The following PCDHA11 variants were observed in gnomAD, a reference collection of about 807,000 sequenced individuals.
PCDHA11 encodes the protein protocadherin alpha-11.
In PCDHA11, 61 loss-of-function variants were observed where a neutral mutation model predicts 70.3. The observed-to-expected ratio is 0.87, with a 90% CI of 0.71 to 1.07. The LOEUF is 1.07. PCDHA11 is among the 50% of genes least tolerant of loss of function. PCDHA11 has a pLI of 0.00. For synonymous variants in PCDHA11, 633 were observed against 555.1 expected (o/e 1.14, Z -1.97); for missense variants, 1,324 against 1,237.5 (o/e 1.07, Z -1.05).
chr5:140,869,346 T>C lies in PCDHA11; in HGVS notation c.243T>C (p.Asn81=), dbSNP rs781810947. Reference sequence around the variant, plus strand: ...ACCTTCTGGAGGTAAATCTGCAGAATGGCATTTTGTTTGTGAATTCTCGGA... The same window carrying C: ...ACCTTCTGGAGGTAAATCTGCAGAACGGCATTTTGTTTGTGAATTCTCGGA... ...HGDLLEVNLQ[N]GILFVNSRID... The change falls in exon 1 of 4, where the codon AAT becomes AAC. Residue 81 remains asparagine (N), a synonymous_variant. Transcript: ENST00000398640. 2.5e-6 allele frequency: 4 copies of C among 1,614,054 alleles called. No homozygotes were observed. The highest frequency in any genetic ancestry group is 2.5e-6 in the Non-Finnish European group (3 of 1,180,032).
At chr5:141,006,299 C>T (rs2098266808) in intron 3 of PCDHA11, among the ~76,000 whole-genome samples, 1 of 152,064 alleles carries the variant, frequency 6.6e-6, no homozygotes, top group Non-Finnish European at 1.5e-5. Flanking sequence ...GCAAGCTCCA[C>T]TTCCCGGGTT....
chr5:140,899,123 A>T (rs1190536862), intron 1 of PCDHA11, among the ~76,000 whole-genome samples: 6 of 152,240 alleles, frequency 3.9e-5, no homozygotes, highest in Non-Finnish European at 7.3e-5. Flanking sequence ...ATATACAATC[A>T]TGTCTTCTGC....
At chr5:140,896,140 C>A (rs1415728420) in intron 1 of PCDHA11, among the ~76,000 whole-genome samples, 6 of 152,140 alleles carry the variant, frequency 3.9e-5, no homozygotes, top group Non-Finnish European at 7.4e-5. Flanking sequence ...ATCCAGTGCA[C>A]CATTGATGGG....
At chr5:140,884,732 A>G in intron 1 of PCDHA11, 2 of 1,448,046 alleles carry the variant, frequency 1.4e-6, no homozygotes, top group South Asian at 1.6e-5. Flanking sequence ...TGTTTAAGAC[A>G]TCTTTCCTGC....
Position 140,871,485 on chromosome 5 carries a change from C to T in PCDHA11, c.2382C>T (p.His794=), listed in dbSNP as rs1554165663. Residue 794 remains histidine (H), a synonymous_variant, in exon 1 of 4, where the codon CAC becomes CAT. Transcript: ENST00000398640. The part of the protein sequence containing the change: ...EGERQEPGSN[H]PGQPRQPNPD... The stretch of plus-strand genomic sequence containing the variant: ...AAAGACAGGAGCCAGGGTCAAATCA[C>T]CCCGGACAGGTGAGTTTTCTACAGA... The T allele has an allele frequency of 8.2e-6, 13 of 1,593,104 alleles. No individual in the cohort carries two copies. The highest frequency in any genetic ancestry group is 1.8e-5 in the Admixed American group (1 of 56,436).
intron 1 of PCDHA11, among the ~76,000 whole-genome samples, chr5:140,911,285 G>C (rs1292114305): frequency 6.6e-6 from 1 of 152,078 alleles, no homozygotes; most frequent in Non-Finnish European, 1.5e-5. Flanking sequence ...GCTTCATCAG[G>C]GTCCTTTTAC....
intron 3 of PCDHA11, among the ~76,000 whole-genome samples, chr5:140,987,107 G>C (rs936936352): frequency 2.0e-5 from 3 of 151,876 alleles, no homozygotes; most frequent in Admixed American, 6.6e-5. Context: ...CCAGCTACTC[G>C]GGAGGCTGAG....
At chr5:140,944,792 G>C (rs1411963111) in intron 1 of PCDHA11, among the ~76,000 whole-genome samples, 3 of 152,138 alleles carry the variant, frequency 2.0e-5, no homozygotes, top group African/African-American at 7.2e-5. Context: ...TATTTTACAA[G>C]TCTGTCGAGG....
chr5:140,930,037 GC>G (rs2086548182), intron 1 of PCDHA11: 6 of 152,140 alleles, frequency 3.9e-5, no homozygotes, highest in African/African-American at 1.4e-4. Flanking sequence ...TTTTGTAACT[GC>G]TTTGGAGTTT....
At chr5:140,980,684 G>GA (rs782726576) in intron 2 of PCDHA11, among the ~76,000 whole-genome samples, 3,276 of 145,132 alleles carry the variant, frequency 0.023, 40 homozygotes, top group Middle Eastern at 0.066. Flanking sequence ...TTTTCAAATT[G>GA]AAAAAAAAAA....
chr5:140,939,195 C>T (rs1554212604), intron 1 of PCDHA11, among the ~76,000 whole-genome samples: 1 of 152,122 alleles, frequency 6.6e-6, no homozygotes, highest in East Asian at 1.9e-4. Flanking sequence ...GTTCATAAAA[C>T]AGAATGTCAC....
At chr5:140,940,139 C>G (rs984432706) in intron 1 of PCDHA11, among the ~76,000 whole-genome samples, 16 of 152,010 alleles carry the variant, frequency 1.1e-4, no homozygotes, top group Admixed American at 1.0e-3. Context: ...TAGTGATAAA[C>G]TATTATAGTT....
chr5:140,876,795 G>A (rs782560755), intron 1 of PCDHA11: 97 of 1,614,108 alleles, frequency 6.0e-5, no homozygotes, highest in Non-Finnish European at 7.5e-5. Context: ...CGGCTAGAGT[G>A]TCCGTGGAGG....
At chr5:140,931,405 G>C (rs1395168165) in intron 1 of PCDHA11, among the ~76,000 whole-genome samples, 1 of 151,984 alleles carries the variant, frequency 6.6e-6, no homozygotes, top group South Asian at 2.1e-4. Flanking sequence ...CGATAGGAAG[G>C]CTGATGAATC....
chr5:140,893,583 T>G (rs535910), intron 1 of PCDHA11, among the ~76,000 whole-genome samples: 7,078 of 152,294 alleles, frequency 0.046, 293 homozygotes, highest in African/African-American at 0.11. Context: ...TTTGCTTGTT[T>G]GGGAAATACT....
chr5:140,904,499 A>G (rs1554191555), intron 1 of PCDHA11, among the ~76,000 whole-genome samples: 1 of 151,770 alleles, frequency 6.6e-6, no homozygotes, highest in Non-Finnish European at 1.5e-5. Flanking sequence ...AATTTTTACA[A>G]TTGTGAATTG....
At chr5:140,888,159 C>T (rs1468895090) in intron 1 of PCDHA11, among the ~76,000 whole-genome samples, 1 of 152,080 alleles carries the variant, frequency 6.6e-6, no homozygotes, top group Non-Finnish European at 1.5e-5. Flanking sequence ...GACTGGTAAT[C>T]TCTAATAAGA....
In PCDHA11 at chr5:140,982,530, C is replaced by G; in HGVS notation, c.2506C>G (p.Gln836Glu). The G allele has an allele frequency of 1.2e-6, 2 of 1,614,200 alleles. No homozygotes were observed. The highest frequency in any genetic ancestry group is 3.3e-5 in the Admixed American group (2 of 60,020). ...ILRAGPGGPDQQWPTVSSATP... is the reference protein window; with the variant it reads ...ILRAGPGGPDEQWPTVSSATP... ...ACGGGCTGGTCCAGGAGGGCCTGATCAGCAGTGGCCAACAGTATCCAGTGC... is the reference window on the plus strand; with the variant it reads ...ACGGGCTGGTCCAGGAGGGCCTGATGAGCAGTGGCCAACAGTATCCAGTGC... The change falls in exon 3 of 4, where the codon CAG (glutamine) becomes GAG (glutamate). Residue 836 changes from glutamine to glutamate, a missense_variant. By Grantham distance (29) the Gln-to-Glu change is conservative. Transcript: ENST00000398640.
At chr5:140,915,028 T>C (rs1583932096) in intron 1 of PCDHA11, among the ~76,000 whole-genome samples, 1 of 150,922 alleles carries the variant, frequency 6.6e-6, no homozygotes, top group Non-Finnish European at 1.5e-5. Context: ...TCACTGCAAC[T>C]TCTGCCTCCT....
Sources: allele counts gnomAD v4.1 joint callset (sites outside exome capture counted in the v4.1 genomes callset), GRCh38; gene constraint gnomAD v4.1.1; transcripts MANE v1.5; gene names NCBI Gene and HGNC (gene_info 2026-07-23, HGNC 2026-07-21).